The following NSMCE2 variants were observed in gnomAD, a reference collection of about 807,000 sequenced individuals.
NSMCE2 encodes E3 SUMO-protein ligase NSE2.
NSMCE2 carries 24 observed loss-of-function variants against 23.8 expected under a neutral mutation model. That is an observed-to-expected ratio of 1.01 (90% CI 0.73 to 1.42). NSMCE2 has a LOEUF of 1.42. Ranked by LOEUF, NSMCE2 falls within the 40% of genes most tolerant of loss-of-function variation. The pLI is 0.00. For missense variants in NSMCE2, 284 were observed against 296.5 expected, an observed-to-expected ratio of 0.96 and a Z score of 0.31; for synonymous variants, 92 against 94.1, an observed-to-expected ratio of 0.98 and a Z score of 0.13.
intron 7 of NSMCE2, among the ~76,000 whole-genome samples, chr8:125,362,091 G>A (rs150823623): frequency 9.2e-5 from 14 of 152,314 alleles, no homozygotes; most frequent in African/African-American, 3.4e-4. Flanking sequence ...CTGGAGGTGG[G>A]GACCCAGCCG....
chr8:125,117,008 C>T (rs961639447), intron 3 of NSMCE2, among the ~76,000 whole-genome samples: 3 of 151,654 alleles, frequency 2.0e-5, no homozygotes, highest in African/African-American at 7.3e-5. Context: ...CTGCCTTAGC[C>T]TCCCAAGTAG....
intron 5 of NSMCE2, among the ~76,000 whole-genome samples, chr8:125,275,505 C>G (rs534562759): frequency 6.6e-6 from 1 of 152,132 alleles, no homozygotes; most frequent in Admixed American, 6.6e-5. Context: ...GAGTTCTCTT[C>G]CTCTTACTGC....
At chr8:125,291,469 T>G (rs977045316) in intron 5 of NSMCE2, among the ~76,000 whole-genome samples, 6 of 152,224 alleles carry the variant, frequency 3.9e-5, no homozygotes, top group African/African-American at 1.4e-4. Flanking sequence ...TATGAGCTGG[T>G]CAATGATTAA....
chr8:125,213,430 G>C (rs1824430519), intron 5 of NSMCE2, among the ~76,000 whole-genome samples: 1 of 151,662 alleles, frequency 6.6e-6, no homozygotes, highest in Non-Finnish European at 1.5e-5. Context: ...TGTTTGTGTG[G>C]AGTGATTTAG....
At chr8:125,271,791 T>C (rs1288456670) in intron 5 of NSMCE2, among the ~76,000 whole-genome samples, 1 of 152,236 alleles carries the variant, frequency 6.6e-6, no homozygotes, top group Non-Finnish European at 1.5e-5. Flanking sequence ...TCTGTAATCA[T>C]GTGTATGTTT....
intron 5 of NSMCE2, among the ~76,000 whole-genome samples, chr8:125,306,029 T>C (rs1393834240): frequency 6.6e-6 from 1 of 152,186 alleles, no homozygotes; most frequent in East Asian, 1.9e-4. Context: ...GTCATAGTAT[T>C]GAATAAGTTT....
chr8:125,236,798 A>G (rs1346710125), intron 5 of NSMCE2, among the ~76,000 whole-genome samples: 1 of 150,800 alleles, frequency 6.6e-6, no homozygotes, highest in South Asian at 2.1e-4. Flanking sequence ...TTGGTACACT[A>G]TCTTTCTTTT....
intron 5 of NSMCE2, among the ~76,000 whole-genome samples, chr8:125,237,917 G>A (rs575875642): frequency 6.6e-6 from 1 of 152,288 alleles, no homozygotes; most frequent in African/African-American, 2.4e-5. Context: ...ATTCCAGTTA[G>A]AGAGTACTAA....
At chr8:125,141,325 C>G (rs1330426346) in intron 3 of NSMCE2, among the ~76,000 whole-genome samples, 2 of 152,142 alleles carry the variant, frequency 1.3e-5, no homozygotes, top group Non-Finnish European at 2.9e-5. Flanking sequence ...TAGTACAGAA[C>G]AGATTATTCA....
chr8:125,317,667 A>G (rs79883754), intron 5 of NSMCE2, among the ~76,000 whole-genome samples: 3,794 of 152,314 alleles, frequency 0.025, 153 homozygotes, highest in African/African-American at 0.085. Context: ...GTATAGCAAC[A>G]CTATTATCTG....
In NSMCE2 at chr8:125,299,804, C is replaced by CTTTTTTTTTTTT. The variant is rs58789139; in HGVS notation, c.419-57399_419-57388dup. Among the ~76,000 whole-genome samples the CTTTTTTTTTTTT allele has an allele frequency of 8.7e-4, 61 of 70,266 alleles. 8 individuals are homozygous for CTTTTTTTTTTTT. Among genetic ancestry groups the CTTTTTTTTTTTT allele is most frequent in the African/African-American group, 1.7e-3 (31 of 17,792 alleles). The allele number at this position is 70,266 out of a possible 152,430, so 46.1% of individuals were successfully genotyped here. A position where few individuals can be genotyped will look rare whatever the true frequency, so the allele number is the denominator to read the frequency against. ...ACCTTGACCTCATAATTTTGGCTTTCTTTTTTTTTTTTTTTTTTTTTTTTT... is the reference window on the plus strand; with the variant it reads ...ACCTTGACCTCATAATTTTGGCTTTCTTTTTTTTTTTTTTTTTTTTTTTTTTTTTTTTTTTTT... On this transcript the variant is annotated intron_variant, in intron 5 of 7. Transcript: ENST00000287437.
In NSMCE2 at chr8:125,213,034, G is replaced by A. The variant is rs541712370; in HGVS notation, c.418+30778G>A. Among the ~76,000 whole-genome samples the A allele has an allele frequency of 3.9e-5, 6 of 152,238 alleles. No individual in the cohort carries two copies. The South Asian group carries it at 1.0e-3, about 26-fold the overall frequency. On this transcript the variant is annotated intron_variant, in intron 5 of 7. Coordinates refer to ENST00000287437, the MANE Select transcript of NSMCE2 (RefSeq NM_173685.4). ...TTTTCTGATCCAAAAATTATATTGA[G>A]CAGTAAATGATGATTGGCTACCATT... is the stretch of plus-strand genomic sequence containing the variant.
intron 5 of NSMCE2, among the ~76,000 whole-genome samples, chr8:125,246,365 G>A (rs1176287667): frequency 6.6e-6 from 1 of 151,748 alleles, no homozygotes; most frequent in Non-Finnish European, 1.5e-5. Context: ...TGTATTTTTA[G>A]TAGAGACAGG....
intron 5 of NSMCE2, among the ~76,000 whole-genome samples, chr8:125,342,266 G>A (rs950805071): frequency 6.6e-6 from 1 of 152,238 alleles, no homozygotes; most frequent in Admixed American, 6.5e-5. Flanking sequence ...ACACCTTTGG[G>A]TGTGGGTAAG....
At chr8:125,270,411 G>A (rs1827130021) in intron 5 of NSMCE2, among the ~76,000 whole-genome samples, 1 of 152,158 alleles carries the variant, frequency 6.6e-6, no homozygotes, top group African/African-American at 2.4e-5. Flanking sequence ...GTTGCAGTGA[G>A]CCGAGATCGC....
At chr8:125,144,856 T>C (rs148663799) in intron 3 of NSMCE2, among the ~76,000 whole-genome samples, 1,937 of 152,330 alleles carry the variant, frequency 0.013, 35 homozygotes, top group African/African-American at 0.045. Flanking sequence ...CATATAACTT[T>C]AATGCCTATT....
intron 5 of NSMCE2, among the ~76,000 whole-genome samples, chr8:125,216,940 G>C (rs1031152295): frequency 6.6e-6 from 1 of 152,152 alleles, no homozygotes; most frequent in Non-Finnish European, 1.5e-5. Flanking sequence ...CACAGTTAGC[G>C]TACAGGTAAC....
At chr8:125,218,659 G>T (rs377337253) in intron 5 of NSMCE2, among the ~76,000 whole-genome samples, 12 of 152,074 alleles carry the variant, frequency 7.9e-5, no homozygotes, top group African/African-American at 2.9e-4. Context: ...TGATCCACCC[G>T]CCTCAGCCTT....
At chr8:125,115,190 A>G (rs1015782747) in intron 3 of NSMCE2, among the ~76,000 whole-genome samples, 16 of 152,200 alleles carry the variant, frequency 1.1e-4, no homozygotes, top group Admixed American at 2.6e-4. Flanking sequence ...CACGGTAGGA[A>G]TATTGACTCC....
Sources: gnomAD v4.1 joint callset for allele counts (sites outside exome capture counted in the v4.1 genomes callset) on GRCh38, gnomAD v4.1.1 for gene constraint, MANE v1.5 for transcripts, NCBI Gene and HGNC (gene_info 2026-07-23, HGNC 2026-07-21) for gene names.